The following FAAH2 variants were observed in gnomAD, a reference collection of about 807,000 sequenced individuals.
FAAH2 encodes the protein fatty-acid amide hydrolase 2.
FAAH2 carries 60 observed loss-of-function variants against 36.9 expected under a neutral mutation model. That is an observed-to-expected ratio of 1.63 (90% confidence interval 1.32 to 2.02). The LOEUF (loss-of-function observed/expected upper bound fraction) is 2.02, where lower values mean the gene tolerates loss of function less well. Ranked by LOEUF, FAAH2 falls within the 30% of genes most tolerant of loss-of-function variation. The pLI is 0.00. For missense variants in FAAH2, 689 were observed against 397.5 expected (o/e 1.73, Z -6.23); for synonymous variants, 214 against 143.8 (o/e 1.49, Z -3.49).
At chrX:57,339,712 C>G (rs768720677) in intron 4 of FAAH2, among the ~76,000 whole-genome samples, 1 of 112,281 alleles carries the variant, frequency 8.9e-6, no homozygotes, top group African/African-American at 3.2e-5. Context: ...CCATCTCACA[C>G]CAGTCAGAAT....
chrX:57,272,415 G>T, the FAAH2 span, among the ~76,000 whole-genome samples: 1 of 111,164 alleles, frequency 9.0e-6, no homozygotes, highest in Non-Finnish European at 1.9e-5. Flanking sequence ...ACACCACAAA[G>T]ATACTTCTAG....
chrX:57,151,650 TA>T, the FAAH2 span, among the ~76,000 whole-genome samples: 1 of 111,461 alleles, frequency 9.0e-6, no homozygotes, highest in Admixed American at 9.5e-5. Flanking sequence ...TGATTCTAGG[TA>T]TCCATTTGTC....
chrX:57,214,142 C>T, the FAAH2 span, among the ~76,000 whole-genome samples: 1 of 111,289 alleles, frequency 9.0e-6, no homozygotes, highest in Non-Finnish European at 1.9e-5. Flanking sequence ...CTTTTGTTTC[C>T]TGTTTGCATG....
At chrX:57,261,671 G>A in the FAAH2 span, among the ~76,000 whole-genome samples, 2 of 110,239 alleles carry the variant, frequency 1.8e-5, no homozygotes, top group Non-Finnish European at 3.8e-5. Flanking sequence ...GCCAGGGATG[G>A]GAGGTGGAAT....
intron 10 of FAAH2, among the ~76,000 whole-genome samples, chrX:57,486,539 C>A (rs891470101): frequency 8.9e-6 from 1 of 111,897 alleles, no homozygotes; most frequent in African/African-American, 3.2e-5. Context: ...GAGCCACTGC[C>A]AAAATCCATG....
At chrX:57,154,763 C>T in the FAAH2 span, among the ~76,000 whole-genome samples, 1 of 109,839 alleles carries the variant, frequency 9.1e-6, no homozygotes, top group African/African-American at 3.3e-5. Context: ...TGTTATATTT[C>T]CAGATTTTTT....
intron 5 of FAAH2, among the ~76,000 whole-genome samples, chrX:57,377,080 A>T (rs1044767278): frequency 8.9e-6 from 1 of 112,319 alleles, no homozygotes; most frequent in Non-Finnish European, 1.9e-5. Flanking sequence ...GATTGCAAAA[A>T]TGTTCTCCTA....
At chrX:57,431,346 C>A (rs959640559) in intron 7 of FAAH2, among the ~76,000 whole-genome samples, 6 of 111,610 alleles carry the variant, frequency 5.4e-5, no homozygotes, top group African/African-American at 1.6e-4. Context: ...TATTTCGCTG[C>A]ATGTAATCTC....
the FAAH2 span, among the ~76,000 whole-genome samples, chrX:57,149,588 G>A: frequency 9.0e-6 from 1 of 111,418 alleles, no homozygotes; most frequent in Non-Finnish European, 1.9e-5. Flanking sequence ...GTATTTCTGT[G>A]GGATCGGTGG....
chrX:57,355,158 G>C (rs1055692279), intron 5 of FAAH2, among the ~76,000 whole-genome samples: 5 of 110,934 alleles, frequency 4.5e-5, no homozygotes, highest in Non-Finnish European at 7.6e-5. Context: ...CTTTGAAAAT[G>C]AGATAATACT....
At chrX:57,207,467 G>C in the FAAH2 span, among the ~76,000 whole-genome samples, 5 of 111,778 alleles carry the variant, frequency 4.5e-5, no homozygotes, top group Non-Finnish European at 9.4e-5. Context: ...TCCCTGAATA[G>C]TTATTTCACA....
At chrX:57,238,259 A>G in the FAAH2 span, among the ~76,000 whole-genome samples, 4 of 112,263 alleles carry the variant, frequency 3.6e-5, no homozygotes, top group South Asian at 3.7e-4. Context: ...ATGTCCATCA[A>G]TGGTAGAAAG....
At position 57,485,163 on chromosome X, in the gene FAAH2, C is replaced by T. The variant is rs146118151; in HGVS notation, c.1424-3594C>T. Among the ~76,000 whole-genome samples, 167 of 111,885 alleles carry T rather than the reference C, an allele frequency of 1.5e-3. 1 individual carries two copies. Among genetic ancestry groups the T allele is most frequent in the African/African-American group, 5.1e-3 (158 of 30,900 alleles). On this transcript the variant is annotated intron_variant, in intron 10 of 10. Transcript: ENST00000374900. ...GGGAGCTGTGAGGCACGTGTTACAC[C>T]CACACTTTCCTCCTACAGATGCAGT... is the stretch of plus-strand genomic sequence containing the variant.
intron 5 of FAAH2, among the ~76,000 whole-genome samples, chrX:57,359,780 G>T (rs1433020719): frequency 9.0e-6 from 1 of 110,980 alleles, no homozygotes; most frequent in Non-Finnish European, 1.9e-5. Flanking sequence ...AGAGATCTTT[G>T]TTATTTATGG....
At chrX:57,440,006 C>T (rs1228847650) in intron 8 of FAAH2, among the ~76,000 whole-genome samples, 1 of 111,400 alleles carries the variant, frequency 9.0e-6, no homozygotes, top group Non-Finnish European at 1.9e-5. Context: ...TTACTGTAGC[C>T]TTGTAGTATA....
chrX:57,314,662 A>G (rs758557871), intron 3 of FAAH2, among the ~76,000 whole-genome samples: 1 of 111,581 alleles, frequency 9.0e-6, no homozygotes, highest in Non-Finnish European at 1.9e-5. Context: ...AATCAAAAAA[A>G]GTGATTAATA....
In FAAH2 at chrX:57,330,418, G is replaced by A. The variant is rs770729001; in HGVS notation, c.413-1180G>A. ...TGTCTAATAAATTTTGTTCAGACTG[G>A]TTGCTCTCAAACCCTGTCTCCTGAT... On this transcript the variant is annotated intron_variant, in intron 3 of 10. Coordinates refer to ENST00000374900, the MANE Select transcript of FAAH2 (RefSeq NM_174912.4). Among the ~76,000 whole-genome samples, 4 of 111,588 alleles carry A rather than the reference G, an allele frequency of 3.6e-5. No individual in the cohort carries two copies. The South Asian group carries it at 1.5e-3, about 43-fold the overall frequency.
At chrX:57,381,123 T>C (rs1325756601) in intron 7 of FAAH2, 94 bp downstream of exon 7, 10 of 626,229 alleles carry the variant, frequency 1.6e-5, no homozygotes, top group Non-Finnish European at 2.5e-5. Flanking sequence ...TATTTCTGTG[T>C]CAGCATACGG....
At chrX:57,265,965 C>T in the FAAH2 span, among the ~76,000 whole-genome samples, 1 of 111,778 alleles carries the variant, frequency 8.9e-6, no homozygotes, top group Non-Finnish European at 1.9e-5. Flanking sequence ...TCAGACCTCC[C>T]TGGGATGGAG....
Sources: gnomAD v4.1 joint callset for allele counts (sites outside exome capture counted in the v4.1 genomes callset) on GRCh38, gnomAD v4.1.1 for gene constraint, MANE v1.5 for transcripts, NCBI Gene and HGNC (gene_info 2026-07-23, HGNC 2026-07-21) for gene names.